The following LARGE1 variants were observed in gnomAD, a reference collection of about 807,000 sequenced individuals.
LARGE1 encodes xylosyl- and glucuronyltransferase LARGE1.
A neutral mutation model predicts 87.6 loss-of-function variants in LARGE1; 43 were observed. That is an observed-to-expected ratio of 0.49 (90% CI 0.38 to 0.63). The LOEUF is 0.63. Ranked by LOEUF, LARGE1 falls within the 30% of genes least tolerant of loss-of-function variation. The pLI, the probability that LARGE1 is intolerant of heterozygous loss-of-function variation, is 0.00. For missense variants in LARGE1, 802 were observed against 1,000.2 expected, an observed-to-expected ratio of 0.80 and a Z score of 2.67; for synonymous variants, 434 against 394.6, an observed-to-expected ratio of 1.10 and a Z score of -1.18.
intron 9 of LARGE1, among the ~76,000 whole-genome samples, chr22:33,352,016 C>T (rs1477330935): frequency 6.6e-6 from 1 of 152,148 alleles, no homozygotes; most frequent in Non-Finnish European, 1.5e-5. Flanking sequence ...GGATTACAGG[C>T]GTGAGCCCCC....
chr22:33,423,878 T>C (rs927607362), intron 7 of LARGE1, among the ~76,000 whole-genome samples: 6 of 152,132 alleles, frequency 3.9e-5, no homozygotes, highest in Non-Finnish European at 8.8e-5. Context: ...ATGAAAAGAA[T>C]GGTCCAAAGA....
In LARGE1 at chr22:33,231,781, A is replaced by G. The variant is rs1003965459; in HGVS notation, c.1731-64949T>C. Among the ~76,000 whole-genome samples the G allele has an allele frequency of 2.0e-5, 3 of 152,288 alleles. No individual in the cohort carries two copies. In the East Asian group the frequency reaches 5.8e-4, roughly 29 times the overall value. On this transcript the variant is annotated intron_variant, in intron 11 of 11. Transcript: ENST00000608642. ...AATCCAAGTCTCCTGGCTCCTCTCT[A>G]GCACTTTCATCACTTTACTTTTGCT...
At chr22:33,666,765 G>C (rs1283111862) in intron 2 of LARGE1, among the ~76,000 whole-genome samples, 1 of 152,168 alleles carries the variant, frequency 6.6e-6, no homozygotes, top group Non-Finnish European at 1.5e-5. Context: ...CTACTGATGA[G>C]TAGCTTCAGC....
chr22:33,860,192 A>G (rs984488674), intron 1 of LARGE1, among the ~76,000 whole-genome samples: 2 of 152,052 alleles, frequency 1.3e-5, no homozygotes, highest in Non-Finnish European at 2.9e-5. Context: ...GGGTCTCACT[A>G]TGTTGCCCAG....
At chr22:33,454,695 G>A (rs1158335125) in intron 6 of LARGE1, among the ~76,000 whole-genome samples, 1 of 151,976 alleles carries the variant, frequency 6.6e-6, no homozygotes, top group East Asian at 1.9e-4. Flanking sequence ...AGGAAGCATG[G>A]CAGCCTCCGC....
intron 9 of LARGE1, among the ~76,000 whole-genome samples, chr22:33,359,361 A>G (rs1343068703): frequency 2.6e-5 from 4 of 152,140 alleles, no homozygotes; most frequent in Admixed American, 6.5e-5. Flanking sequence ...ATAAAATGAA[A>G]AAAGATTTAC....
At chr22:33,120,343 C>CTT in the LARGE1 span, among the ~76,000 whole-genome samples, 1 of 141,746 alleles carries the variant, frequency 7.1e-6, no homozygotes, top group African/African-American at 2.7e-5. Flanking sequence ...CTTTCTTTTT[C>CTT]TTTCTTTTCT....
chr22:33,750,971 T>C (rs539266987), intron 2 of LARGE1: 2 of 152,296 alleles, frequency 1.3e-5, no homozygotes, highest in African/African-American at 4.8e-5. Flanking sequence ...AGCCCAACAA[T>C]GACATAGATT....
At chr22:33,533,627 G>C (rs1354779415) in intron 6 of LARGE1, among the ~76,000 whole-genome samples, 1 of 152,160 alleles carries the variant, frequency 6.6e-6, no homozygotes, top group African/African-American at 2.4e-5. Flanking sequence ...GGAAACGTTA[G>C]CCCAGCAACT....
chr22:33,099,002 T>C, the LARGE1 span, among the ~76,000 whole-genome samples: 3 of 152,326 alleles, frequency 2.0e-5, no homozygotes, highest in Non-Finnish European at 2.9e-5. Flanking sequence ...GTTAAGATGC[T>C]ACATAAGCCC....
intron 2 of LARGE1, among the ~76,000 whole-genome samples, chr22:33,662,985 A>C (rs1164358609): frequency 1.3e-5 from 2 of 152,170 alleles, no homozygotes; most frequent in East Asian, 3.8e-4. Flanking sequence ...TTTGACTTAC[A>C]TTAAAGTTAT....
At chr22:33,182,740 G>T (rs1203463539) in intron 11 of LARGE1, among the ~76,000 whole-genome samples, 2 of 152,152 alleles carry the variant, frequency 1.3e-5, no homozygotes, top group Non-Finnish European at 2.9e-5. Context: ...AATAAACTGT[G>T]TTGTAAAAAT....
At chr22:33,741,185 C>T (rs16992929) in intron 2 of LARGE1, among the ~76,000 whole-genome samples, 1 of 152,176 alleles carries the variant, frequency 6.6e-6, no homozygotes, top group African/African-American at 2.4e-5. Flanking sequence ...AACGCTGCAA[C>T]ATTATAAGCA....
intron 11 of LARGE1, among the ~76,000 whole-genome samples, chr22:33,245,604 C>T (rs537800980): frequency 3.3e-4 from 50 of 152,294 alleles, no homozygotes; most frequent in African/African-American, 1.1e-3. Context: ...CTATTTCAAA[C>T]GTCTTTTGAA....
chr22:33,436,507 A>C (rs1437070439), intron 6 of LARGE1: 1 of 154,114 alleles, frequency 6.5e-6, no homozygotes, highest in African/African-American at 2.4e-5. Flanking sequence ...GTTAGTTATT[A>C]GTGGGAGGAT....
chr22:33,718,435 G>C (rs2082976725), intron 2 of LARGE1, among the ~76,000 whole-genome samples: 1 of 152,248 alleles, frequency 6.6e-6, no homozygotes, highest in South Asian at 2.1e-4. Context: ...AGGCTTTTTA[G>C]AGGAAATCTG....
chr22:33,280,513 G>A (rs1425098390), intron 13 of LARGE1, among the ~76,000 whole-genome samples: 3 of 152,074 alleles, frequency 2.0e-5, no homozygotes, highest in Admixed American at 6.6e-5. Context: ...TGGGGGAGAC[G>A]GCGCCATTGC....
At chr22:33,577,719 T>G (rs2078395153) in intron 5 of LARGE1, among the ~76,000 whole-genome samples, 3 of 152,242 alleles carry the variant, frequency 2.0e-5, no homozygotes, top group Admixed American at 1.3e-4. Context: ...TCTCTGTTAC[T>G]AGCTGCGGAG....
chr22:33,881,040 A>G (rs2064665365), intron 1 of LARGE1, among the ~76,000 whole-genome samples: 1 of 151,192 alleles, frequency 6.6e-6, no homozygotes, highest in Non-Finnish European at 1.5e-5. Flanking sequence ...TGTCTACTTA[A>G]TAAGTAGCTT....
Sources: gnomAD v4.1 joint callset for allele counts (sites outside exome capture counted in the v4.1 genomes callset) on GRCh38, gnomAD v4.1.1 for gene constraint, MANE v1.5 for transcripts, NCBI Gene and HGNC (gene_info 2026-07-23, HGNC 2026-07-21) for gene names.